The following ELMOD1 variants were observed in gnomAD, a reference collection of about 807,000 sequenced individuals.
The protein encoded by ELMOD1 is ELMO domain containing 1.
Under a neutral mutation model 46.7 loss-of-function variants are expected in ELMOD1, and 21 were observed. The observed-to-expected ratio is 0.45, with a 90% CI of 0.32 to 0.65. The LOEUF (loss-of-function observed/expected upper bound fraction) is 0.65. ELMOD1 is among the 30% of genes least tolerant of loss of function. ELMOD1 has a pLI of 0.04. For missense variants in ELMOD1, 348 were observed against 407.8 expected, an observed-to-expected ratio of 0.85 and a Z score of 1.26; for synonymous variants, 122 against 138.2, an observed-to-expected ratio of 0.88 and a Z score of 0.82.
chr11:107,621,635 T>C (rs1327997527), intron 2 of ELMOD1, among the ~76,000 whole-genome samples: 3 of 63,904 alleles, frequency 4.7e-5, no homozygotes, highest in African/African-American at 1.0e-4. Flanking sequence ...CATAGATGTT[T>C]GAATGCAGGC....
chr11:107,641,786 T>C (rs1395568817), intron 6 of ELMOD1, among the ~76,000 whole-genome samples: 1 of 152,194 alleles, frequency 6.6e-6, no homozygotes, highest in Non-Finnish European at 1.5e-5. Flanking sequence ...CATAATCCTA[T>C]ATGCATATTA....
chr11:107,597,086 T>A (rs1418560618), intron 1 of ELMOD1, among the ~76,000 whole-genome samples: 1 of 152,196 alleles, frequency 6.6e-6, no homozygotes, highest in Non-Finnish European at 1.5e-5. Context: ...CTGGTTTCTG[T>A]TGGTCTACCT....
chr11:107,626,793 ATTG>A (rs1378475181), intron 2 of ELMOD1, among the ~76,000 whole-genome samples: 1 of 152,056 alleles, frequency 6.6e-6, no homozygotes, highest in Non-Finnish European at 1.5e-5. Flanking sequence ...AATCATTTTT[ATTG>A]TTCTGCTTTT....
chr11:107,611,957 T>G (rs1865788134), intron 1 of ELMOD1, among the ~76,000 whole-genome samples: 2 of 152,168 alleles, frequency 1.3e-5, no homozygotes, highest in African/African-American at 4.8e-5. Flanking sequence ...GAAAGCAGTT[T>G]GGCAATATCT....
chr11:107,624,498 A>G (rs1330258127), intron 2 of ELMOD1, among the ~76,000 whole-genome samples: 1 of 152,150 alleles, frequency 6.6e-6, no homozygotes, highest in Non-Finnish European at 1.5e-5. Flanking sequence ...AGAAAATACA[A>G]AAATTAGCTG....
intron 1 of ELMOD1, among the ~76,000 whole-genome samples, chr11:107,613,771 T>C (rs927985415): frequency 7.9e-5 from 12 of 152,214 alleles, no homozygotes; most frequent in African/African-American, 2.9e-4. Flanking sequence ...CTTAGTTGCA[T>C]GAGAGTTCTT....
intron 6 of ELMOD1, among the ~76,000 whole-genome samples, chr11:107,640,409 A>G (rs1375284724): frequency 6.6e-6 from 1 of 152,212 alleles, no homozygotes; most frequent in Non-Finnish European, 1.5e-5. Flanking sequence ...TTCACTGTGG[A>G]CATAAGAATT....
chr11:107,659,912 A>G (rs79475675), intron 11 of ELMOD1, among the ~76,000 whole-genome samples: 5,914 of 152,228 alleles, frequency 0.039, 166 homozygotes, highest in African/African-American at 0.078. Flanking sequence ...AGAAAAAAGT[A>G]TTAGTCTTGG....
intron 1 of ELMOD1, among the ~76,000 whole-genome samples, chr11:107,603,683 C>G (rs1418388122): frequency 6.6e-6 from 1 of 152,132 alleles, no homozygotes; most frequent in East Asian, 1.9e-4. Flanking sequence ...TCGAGACCAG[C>G]CTGGCCAACA....
chr11:107,666,014 TA>T lies in ELMOD1; in HGVS notation c.*821del, dbSNP rs1305296721. On this transcript the variant is annotated 3_prime_UTR_variant, in exon 12 of 12. Coordinates refer to ENST00000265840, the MANE Select transcript of ELMOD1 (RefSeq NM_018712.4). The stretch of plus-strand genomic sequence containing the variant: ...ATAAATAAATAAATAAATAAATAAA[TA>T]AAATAGTACAGACAGACACATGATA... 1 of 135,020 alleles carries T rather than the reference TA, an allele frequency of 7.4e-6. No homozygotes were observed. Among genetic ancestry groups the T allele is most frequent in the Non-Finnish European group, 1.6e-5 (1 of 62,596 alleles). 8.4% of individuals were successfully genotyped at this position (135,020 alleles called of 1,614,324 possible).
At chr11:107,659,671 A>T (rs1280548835) in intron 11 of ELMOD1, among the ~76,000 whole-genome samples, 3 of 149,094 alleles carry the variant, frequency 2.0e-5, no homozygotes, top group Non-Finnish European at 3.0e-5. Flanking sequence ...GGGTGGATGG[A>T]TGGATGGATG....
At chr11:107,639,760 T>A (rs1418084341) in intron 6 of ELMOD1, among the ~76,000 whole-genome samples, 1 of 152,166 alleles carries the variant, frequency 6.6e-6, no homozygotes, top group Admixed American at 6.5e-5. Context: ...GCTAATCACT[T>A]TTCCTAGCCC....
At chr11:107,659,031 G>C (rs1866682731) in intron 11 of ELMOD1, among the ~76,000 whole-genome samples, 1 of 152,324 alleles carries the variant, frequency 6.6e-6, no homozygotes, top group South Asian at 2.1e-4. Flanking sequence ...CTTTTGAAGA[G>C]ACCAAAAGAA....
intron 2 of ELMOD1, chr11:107,625,286 G>A (rs1309671349): frequency 1.6e-6 from 1 of 627,770 alleles, no homozygotes; most frequent in Admixed American, 6.3e-5. Flanking sequence ...TCTTCTTTAT[G>A]ACATTTAGAT....
rs1256391510 is a variant in ELMOD1, at chr11:107,612,467, G to A, written c.-85-5638G>A. On this transcript the variant is annotated intron_variant, in intron 1 of 11. Transcript: ENST00000265840. ...TAAACCTCAGCATCACGCAACATAC[G>A]CATATAACAAACCTGCAAATATACT... Among the ~76,000 whole-genome samples, 4 of 152,042 alleles carry A rather than the reference G, an allele frequency of 2.6e-5. No individual in the cohort carries two copies. In the East Asian group the frequency reaches 5.8e-4, roughly 22 times the overall value.
At chr11:107,650,793 C>CT (rs991080673) in intron 8 of ELMOD1, 92 bp from the exon 9 acceptor site, 981 of 849,138 alleles carry the variant, frequency 1.2e-3, no homozygotes, top group Middle Eastern at 2.8e-3. Flanking sequence ...ATTACTAAGG[C>CT]TTTTTTTTTC....
At chr11:107,624,482 C>T (rs1369095100) in intron 2 of ELMOD1, among the ~76,000 whole-genome samples, 1 of 152,132 alleles carries the variant, frequency 6.6e-6, no homozygotes, top group Admixed American at 6.5e-5. Flanking sequence ...AAGACCCCAT[C>T]TTTATAGAAA....
At position 107,618,130 on chromosome 11, in the gene ELMOD1, AT is replaced by A. The variant is rs1865891462; in HGVS notation, c.-57del. 6.5e-7 allele frequency: 1 copy of A among 1,545,852 alleles called. No individual in the cohort carries two copies. The highest frequency in any genetic ancestry group is 2.4e-5 in the East Asian group (1 of 41,256). On this transcript the variant is annotated 5_prime_UTR_variant, in exon 2 of 12. Transcript: ENST00000265840. ...TTGACACTTACTTTGACAAAGGCAA[AT>A]TTGGAAGCAATTACTTGAGGACAGT... is the stretch of plus-strand genomic sequence containing the variant.
At chr11:107,631,403 C>CCCG (rs1866136788) in intron 4 of ELMOD1, among the ~76,000 whole-genome samples, 177 bp from the exon 5 acceptor site, 1 of 146,876 alleles carries the variant, frequency 6.8e-6, no homozygotes, top group African/African-American at 2.5e-5. Context: ...CACTACCCCC[C>CCCG]CCCCCATCGT....
Sources: gnomAD v4.1 joint callset for allele counts (sites outside exome capture counted in the v4.1 genomes callset) on GRCh38, gnomAD v4.1.1 for gene constraint, MANE v1.5 for transcripts, NCBI Gene and HGNC (gene_info 2026-07-23, HGNC 2026-07-21) for gene names.